The following FNIP2 variants were observed in gnomAD, a reference collection of about 807,000 sequenced individuals.
FNIP2 encodes folliculin interacting protein 2.
In FNIP2, 32 loss-of-function variants were observed where a neutral mutation model predicts 108.7. That is an observed-to-expected ratio of 0.29 (90% CI 0.22 to 0.40). The LOEUF (loss-of-function observed/expected upper bound fraction) is 0.40, where lower values mean the gene tolerates loss of function less well. FNIP2 is among the 10% of genes least tolerant of loss of function. The pLI is 1.00. For synonymous variants in FNIP2, 480 were observed against 496.7 expected (o/e 0.97, Z 0.45); for missense variants, 1,202 against 1,381.6 (o/e 0.87, Z 2.06).
intron 12 of FNIP2, among the ~76,000 whole-genome samples, chr4:158,866,641 C>G (rs1042159544): frequency 3.3e-5 from 5 of 150,862 alleles, no homozygotes; most frequent in Non-Finnish European, 5.9e-5. Context: ...GGTGGCGACA[C>G]CTTGGCTCTC....
At chr4:158,832,171 T>A (rs758681289) in intron 5 of FNIP2, 33 bp downstream of exon 5, 1 of 1,532,830 alleles carries the variant, frequency 6.5e-7, no homozygotes, top group South Asian at 1.1e-5. Context: ...CCCACCCCCA[T>A]TTTTTAAAGT....
chr4:158,802,186 C>G (rs544832815), intron 1 of FNIP2, among the ~76,000 whole-genome samples: 1 of 152,232 alleles, frequency 6.6e-6, no homozygotes, highest in Non-Finnish European at 1.5e-5. Context: ...TTCGAAGTCT[C>G]TGGTAGAAAG....
At chr4:158,849,881 T>C (rs1475903492) in intron 7 of FNIP2, among the ~76,000 whole-genome samples, 1 of 151,486 alleles carries the variant, frequency 6.6e-6, no homozygotes, top group Non-Finnish European at 1.5e-5. Flanking sequence ...ATGGGTACAA[T>C]GGATGCAAAG....
At chr4:158,863,936 A>G (rs1179133013) in intron 12 of FNIP2, among the ~76,000 whole-genome samples, 1 of 152,230 alleles carries the variant, frequency 6.6e-6, no homozygotes, top group Non-Finnish European at 1.5e-5. Context: ...TTTTTTTCTC[A>G]GAAGTTTACA....
intron 14 of FNIP2, among the ~76,000 whole-genome samples, 187 bp from the exon 15 acceptor site, chr4:158,891,259 C>T (rs554581483): frequency 2.3e-5 from 3 of 128,970 alleles, no homozygotes; most frequent in Admixed American, 9.9e-5. Context: ...TTAAAAAAGT[C>T]CTTGTGACTG....
intron 1 of FNIP2, among the ~76,000 whole-genome samples, chr4:158,801,211 G>C (rs1388273994): frequency 6.6e-6 from 1 of 152,136 alleles, no homozygotes; most frequent in Non-Finnish European, 1.5e-5. Flanking sequence ...GTAGGGGCCG[G>C]TGTGCTTGGC....
intron 1 of FNIP2, chr4:158,795,868 G>T (rs1052729877): frequency 1.3e-5 from 2 of 152,258 alleles, no homozygotes; most frequent in African/African-American, 4.8e-5. Context: ...CTGATGACCT[G>T]AGGTGCAACA....
At position 158,787,818 on chromosome 4, in the gene FNIP2, C is replaced by T. The variant is rs1234465045; in HGVS notation, c.107+18499C>T. Among the ~76,000 whole-genome samples, 7 of 152,234 alleles carry T rather than the reference C, an allele frequency of 4.6e-5. No homozygotes were observed. The South Asian group carries it at 1.0e-3, about 23-fold the overall frequency. ...ATCAAGTCCAGCCTCTTTCGTGTGG[C>T]GGCCCTGCCTCATTTCTCTTTGCTC... is the stretch of plus-strand genomic sequence containing the variant. On this transcript the variant is annotated intron_variant, in intron 1 of 16. Coordinates refer to ENST00000264433, the MANE Select transcript of FNIP2 (RefSeq NM_020840.3).
intron 3 of FNIP2, 40 bp from the exon 4 acceptor site, chr4:158,831,821 G>C (rs1578881968): frequency 7.6e-7 from 1 of 1,309,706 alleles, no homozygotes; most frequent in African/African-American, 1.4e-5. Context: ...TGCATGTCAT[G>C]TTCCATGTAC....
intron 2 of FNIP2, among the ~76,000 whole-genome samples, chr4:158,827,311 C>T (rs1578874034): frequency 6.6e-6 from 1 of 152,168 alleles, no homozygotes; most frequent in African/African-American, 2.4e-5. Context: ...CATGGATGGT[C>T]TAGTTGAGCA....
intron 14 of FNIP2, among the ~76,000 whole-genome samples, chr4:158,876,082 G>T (rs1294254688): frequency 1.3e-5 from 2 of 152,138 alleles, no homozygotes; most frequent in Non-Finnish European, 2.9e-5. Flanking sequence ...AGGTCATGAT[G>T]TTAAAATGTA....
intron 7 of FNIP2, among the ~76,000 whole-genome samples, chr4:158,844,052 CTG>C (rs756809804): frequency 6.2e-4 from 94 of 152,234 alleles, no homozygotes; most frequent in Admixed American, 2.2e-3. Context: ...TTTGAAGAAA[CTG>C]GAGCTGCTTC....
chr4:158,876,271 G>A (rs1781279232), intron 14 of FNIP2, among the ~76,000 whole-genome samples: 1 of 152,192 alleles, frequency 6.6e-6, no homozygotes, highest in South Asian at 2.1e-4. Context: ...CTTGTGCAGT[G>A]CTGCAAGAGG....
chr4:158,861,665 G>C lies in FNIP2; in HGVS notation c.1354G>C (p.Val452Leu). 1.2e-6 allele frequency: 2 copies of C among 1,614,022 alleles called. No individual in the cohort carries two copies. The highest frequency in any genetic ancestry group is 1.7e-6 in the Non-Finnish European group (2 of 1,179,902). ...CTACCACCTGGCCTGGGTCCCAACT[G>C]TCATGCCTGTGGATCACCCTCCCAT... ...LTYHLAWVPT[V>L]MPVDHPPIKA... The change falls in exon 12 of 17, where the codon GTC becomes CTC. Residue 452 changes from valine to leucine, a missense_variant. Val to Leu is a conservative substitution (Grantham distance 32). Coordinates refer to ENST00000264433, the MANE Select transcript of FNIP2 (RefSeq NM_020840.3).
At chr4:158,809,334 C>T (rs1389003990) in intron 1 of FNIP2, among the ~76,000 whole-genome samples, 2 of 152,162 alleles carry the variant, frequency 1.3e-5, no homozygotes, top group Non-Finnish European at 2.9e-5. Context: ...TAGCAGGTAC[C>T]TGTAATCCCA....
At chr4:158,780,891 C>T (rs1242856500) in intron 1 of FNIP2, among the ~76,000 whole-genome samples, 2 of 151,968 alleles carry the variant, frequency 1.3e-5, no homozygotes, top group African/African-American at 2.4e-5. Context: ...AAAAATTAGC[C>T]GGGTGTGGTG....
intron 2 of FNIP2, among the ~76,000 whole-genome samples, chr4:158,828,868 A>G (rs892916978): frequency 2.0e-5 from 3 of 152,212 alleles, no homozygotes; most frequent in Non-Finnish European, 4.4e-5. Context: ...AAGTCTTAAT[A>G]CATAACCTAC....
In FNIP2 at chr4:158,807,147, C is replaced by T. The variant is rs568076694; in HGVS notation, c.108-18769C>T. ...GAATTACATTTCATTCCAGATTCTT[C>T]CATAGATAGATAGTAAGGAGAGCTA... is the stretch of plus-strand genomic sequence containing the variant. On this transcript the variant is annotated intron_variant, in intron 1 of 16. Transcript: ENST00000264433. 2.3e-3 allele frequency among the ~76,000 whole-genome samples: 351 copies of T among 152,114 alleles called. 1 individual carries two copies. The Middle Eastern group carries it at 0.034, about 15-fold the overall frequency.
At chr4:158,834,045 C>G (rs536373084) in intron 6 of FNIP2, 1 of 342,488 alleles carries the variant, frequency 2.9e-6, no homozygotes, top group Non-Finnish European at 5.2e-6. Flanking sequence ...CATGGTGTTT[C>G]GAAAATTCTG....
Sources: gnomAD v4.1 joint callset for allele counts (sites outside exome capture counted in the v4.1 genomes callset) on GRCh38, gnomAD v4.1.1 for gene constraint, MANE v1.5 for transcripts, NCBI Gene and HGNC (gene_info 2026-07-23, HGNC 2026-07-21) for gene names.